The following PNKD variants were observed in gnomAD, a reference collection of about 807,000 sequenced individuals.
The protein encoded by PNKD is PNKD metallo-beta-lactamase domain containing.
Under a neutral mutation model 45.3 loss-of-function variants are expected in PNKD, and 36 were observed. The observed-to-expected ratio is 0.80, with a 90% CI of 0.61 to 1.05. The LOEUF (loss-of-function observed/expected upper bound fraction) is 1.05. Ranked by LOEUF, PNKD falls within the 50% of genes least tolerant of loss-of-function variation. The probability of loss-of-function intolerance (pLI) is 0.00; values close to 1 mark genes in which losing one functional copy is unlikely to be tolerated. For missense variants in PNKD, 511 were observed against 506.6 expected (o/e 1.01, Z -0.08); for synonymous variants, 197 against 210.1 (o/e 0.94, Z 0.54).
intron 2 of PNKD, among the ~76,000 whole-genome samples, chr2:218,295,882 C>T (rs967865603): frequency 2.0e-5 from 3 of 149,062 alleles, no homozygotes; most frequent in African/African-American, 4.9e-5. Context: ...TCTGGCTCTG[C>T]ACTCCCAGGC....
At chr2:218,309,858 C>A (rs1559519143) in intron 2 of PNKD, among the ~76,000 whole-genome samples, 2 of 151,802 alleles carry the variant, frequency 1.3e-5, no homozygotes, top group Non-Finnish European at 2.9e-5. Flanking sequence ...TCGCTTGAAC[C>A]TGGGAGGCGG....
intron 2 of PNKD, among the ~76,000 whole-genome samples, chr2:218,321,916 T>A (rs115193849): frequency 0.037 from 5,113 of 137,866 alleles, 92 homozygotes; most frequent in Middle Eastern, 0.058. Flanking sequence ...GAGCCACCGC[T>A]CCCGGCCGAG....
chr2:218,277,499 T>G lies in PNKD; in HGVS notation c.236+5950T>G, dbSNP rs201608914. 1.6e-3 allele frequency: 2,618 copies of G among 1,610,286 alleles called. 5 individuals are homozygous for G. Among genetic ancestry groups the G allele is most frequent in the Non-Finnish European group, 2.0e-3 (2,354 of 1,176,514 alleles). ...CAGACAAGAGGCATTAAGCCACGTA[T>G]GAATGACTTCAAAATCACCACTTCC... On this transcript the variant is annotated intron_variant, in intron 2 of 9. Transcript: ENST00000273077.
At chr2:218,280,087 CT>C in intron 2 of PNKD, 2 of 1,614,208 alleles carry the variant, frequency 1.2e-6, no homozygotes, top group Non-Finnish European at 8.5e-7. Context: ...GAAGCTATCA[CT>C]CACTGCTCTC....
intron 2 of PNKD, among the ~76,000 whole-genome samples, chr2:218,305,170 C>A (rs1305469247): frequency 6.6e-6 from 1 of 152,172 alleles, no homozygotes; most frequent in Admixed American, 6.5e-5. Context: ...AGGCCTTGTG[C>A]TCAGTAGACA....
chr2:218,306,986 A>ATAGCC (rs1693428823), intron 2 of PNKD, among the ~76,000 whole-genome samples: 1 of 152,222 alleles, frequency 6.6e-6, no homozygotes, highest in African/African-American at 2.4e-5. Context: ...ACCAAACATC[A>ATAGCC]TAGCCTAGCC....
intron 2 of PNKD, among the ~76,000 whole-genome samples, chr2:218,337,795 G>T (rs1198027173): frequency 6.6e-6 from 1 of 152,148 alleles, no homozygotes; most frequent in Non-Finnish European, 1.5e-5. Flanking sequence ...CTTGCTCCCT[G>T]CATGTCCCAC....
intron 2 of PNKD, among the ~76,000 whole-genome samples, chr2:218,320,777 G>C (rs990181355): frequency 9.9e-5 from 15 of 152,230 alleles, no homozygotes; most frequent in Non-Finnish European, 4.4e-5. Context: ...CAATATGATA[G>C]CTTGAGACAA....
intron 2 of PNKD, chr2:218,327,967 A>AAAAAC (rs1294540662): frequency 6.7e-6 from 1 of 149,742 alleles, no homozygotes; most frequent in Non-Finnish European, 1.5e-5. Flanking sequence ...CATCTGAAAA[A>AAAAAC]AAAAAAAAAA....
chr2:218,318,547 C>A (rs1693884060), intron 2 of PNKD, among the ~76,000 whole-genome samples: 1 of 152,226 alleles, frequency 6.6e-6, no homozygotes. Context: ...CAAGAGGGCT[C>A]CAGTCTCTGG....
At chr2:218,277,233 C>T (rs1169489303) in intron 2 of PNKD, 1 of 1,160,038 alleles carries the variant, frequency 8.6e-7, no homozygotes, top group African/African-American at 1.5e-5. Flanking sequence ...AGGACAGAAA[C>T]AGGACACAGT....
At chr2:218,323,090 G>T (rs1694035716) in intron 2 of PNKD, 8 of 1,088,420 alleles carry the variant, frequency 7.4e-6, no homozygotes, top group Non-Finnish European at 9.5e-6. Flanking sequence ...GGCCTTCGGG[G>T]TGCTTGCCCG....
chr2:218,311,114 G>T (rs911798235), intron 2 of PNKD, among the ~76,000 whole-genome samples: 52 of 152,148 alleles, frequency 3.4e-4, no homozygotes, highest in African/African-American at 1.1e-3. Context: ...AGTAACACAT[G>T]ATTGTACATC....
At chr2:218,282,068 C>A in intron 2 of PNKD, 1 of 1,595,646 alleles carries the variant, frequency 6.3e-7, no homozygotes, top group East Asian at 2.3e-5. Context: ...CTGCCCATAG[C>A]CCCCAGGGGG....
At chr2:218,332,839 A>G (rs1455853626) in intron 2 of PNKD, among the ~76,000 whole-genome samples, 8 of 150,280 alleles carry the variant, frequency 5.3e-5, no homozygotes, top group Admixed American at 5.3e-4. Context: ...GCCATTTTCC[A>G]CTCTCTGCAT....
At chr2:218,314,287 TCA>T (rs1387282379) in intron 2 of PNKD, among the ~76,000 whole-genome samples, 34 of 141,168 alleles carry the variant, frequency 2.4e-4, no homozygotes, top group Admixed American at 2.3e-4. Flanking sequence ...AGTGACATGA[TCA>T]CAGTTTACTG....
At chr2:218,299,410 G>A (rs924855537) in intron 2 of PNKD, among the ~76,000 whole-genome samples, 2 of 152,064 alleles carry the variant, frequency 1.3e-5, no homozygotes, top group African/African-American at 4.8e-5. Flanking sequence ...CCAGAGTGCT[G>A]GGATTACAGG....
chr2:218,336,248 TA>T (rs1694488814), intron 2 of PNKD, among the ~76,000 whole-genome samples: 1 of 149,400 alleles, frequency 6.7e-6, no homozygotes, highest in Non-Finnish European at 1.5e-5. Context: ...AAATAGCCAT[TA>T]AAAGTACTAA....
At chr2:218,315,124 T>C (rs4674287) in intron 2 of PNKD, among the ~76,000 whole-genome samples, 8,695 of 112,872 alleles carry the variant, frequency 0.077, 598 homozygotes, top group African/African-American at 0.23. Flanking sequence ...TTCCTTCCTT[T>C]CTTTCTTTCT....
Sources: allele counts gnomAD v4.1 joint callset (sites outside exome capture counted in the v4.1 genomes callset), GRCh38; gene constraint gnomAD v4.1.1; transcripts MANE v1.5; gene names NCBI Gene and HGNC (gene_info 2026-07-23, HGNC 2026-07-21).